The following SVIL variants were observed in gnomAD, a reference collection of about 807,000 sequenced individuals.
SVIL encodes the protein archvillin.
A neutral mutation model predicts 240.4 loss-of-function variants in SVIL; 101 were observed. The observed-to-expected ratio is 0.42, with a 90% CI of 0.36 to 0.50. The LOEUF is 0.50. Among genes scored for constraint, SVIL ranks in the 20% least tolerant of loss-of-function variants. SVIL has a pLI of 0.01. For synonymous variants in SVIL, 999 were observed against 1,100.0 expected (o/e 0.91, Z 1.82); for missense variants, 2,512 against 2,818.7 (o/e 0.89, Z 2.46).
chr10:29,470,680 A>G (rs2132308639), intron 31 of SVIL, among the ~76,000 whole-genome samples, 197 bp from the exon 32 acceptor site: 1 of 152,316 alleles, frequency 6.6e-6, no homozygotes, highest in South Asian at 2.1e-4. Context: ...TGCCAGCCTA[A>G]AAAGTGGGTT....
intron 1 of SVIL, among the ~76,000 whole-genome samples, chr10:29,614,096 T>C (rs1373784007): frequency 6.6e-6 from 1 of 152,182 alleles, no homozygotes; most frequent in Non-Finnish European, 1.5e-5. Context: ...TATCACTAAC[T>C]ATACCACAAC....
chr10:29,579,058 T>C (rs372814984), intron 1 of SVIL, among the ~76,000 whole-genome samples: 3 of 152,356 alleles, frequency 2.0e-5, no homozygotes, highest in South Asian at 2.1e-4. Context: ...TTCGTTACTA[T>C]GTGTATTCCT....
intron 2 of SVIL, among the ~76,000 whole-genome samples, chr10:29,663,872 G>T (rs1360593594): frequency 6.6e-6 from 1 of 152,218 alleles, no homozygotes; most frequent in Non-Finnish European, 1.5e-5. Flanking sequence ...ATCGGCAACT[G>T]CAAGAAGATG....
chr10:29,505,328 AAAT>A (rs1221306801), intron 17 of SVIL, among the ~76,000 whole-genome samples: 6 of 151,790 alleles, frequency 4.0e-5, no homozygotes, highest in African/African-American at 1.5e-4. Context: ...TCCATCTCAA[AAAT>A]AATAATAATA....
chr10:29,686,039 C>A (rs1020228665), intron 2 of SVIL, among the ~76,000 whole-genome samples: 2 of 152,136 alleles, frequency 1.3e-5, no homozygotes, highest in Admixed American at 6.5e-5. Flanking sequence ...GCCCTAGGAC[C>A]AATTTGCCTA....
intron 24 of SVIL, among the ~76,000 whole-genome samples, chr10:29,486,909 C>G (rs1276521378): frequency 6.6e-6 from 1 of 152,148 alleles, no homozygotes; most frequent in African/African-American, 2.4e-5. Flanking sequence ...GGGCCGCTTC[C>G]TTTTTTACAC....
chr10:29,545,685 T>C (rs1436835309), intron 6 of SVIL, among the ~76,000 whole-genome samples: 1 of 151,610 alleles, frequency 6.6e-6, no homozygotes, highest in Non-Finnish European at 1.5e-5. Context: ...TGAAACTCCG[T>C]CTCTACTAAA....
intron 1 of SVIL, among the ~76,000 whole-genome samples, chr10:29,591,901 C>T (rs1956404904): frequency 6.6e-6 from 1 of 152,198 alleles, no homozygotes; most frequent in South Asian, 2.1e-4. Flanking sequence ...AGGCATTTAC[C>T]ACTGCTAGTA....
intron 27 of SVIL, among the ~76,000 whole-genome samples, chr10:29,482,397 G>A (rs896539011): frequency 2.0e-4 from 30 of 152,202 alleles, no homozygotes; most frequent in African/African-American, 6.5e-4. Context: ...GGCAGGAGCC[G>A]CAGGAAAACC....
At chr10:29,492,945 G>A (rs1564511474) in intron 21 of SVIL, among the ~76,000 whole-genome samples, 1 of 152,070 alleles carries the variant, frequency 6.6e-6, no homozygotes, top group Admixed American at 6.6e-5. Context: ...ATCCAGTGAC[G>A]CCCTCTTTAT....
At position 29,536,015 on chromosome 10, in the gene SVIL, T is replaced by C; in HGVS notation, c.882A>G (p.Thr294=). Residue 294 remains threonine, a synonymous_variant, in exon 7 of 38, where the codon ACA becomes ACG. Coordinates refer to ENST00000355867, the MANE Select transcript of SVIL (RefSeq NM_021738.3). ...WFLQKDSEGD[T]PSLINWPSRV... is the part of the protein sequence containing the mutation. ...TGGAAGGCCAGTTGATAAGTGAAGG[T>C]GTGTCCCCTTCGGAATCTTTCTGGA... The C allele has an allele frequency of 6.2e-7, 1 of 1,614,214 alleles. No homozygotes were observed. The highest frequency in any genetic ancestry group is 8.5e-7 in the Non-Finnish European group (1 of 1,180,036).
intron 3 of SVIL, among the ~76,000 whole-genome samples, chr10:29,643,815 TCTCTC>T (rs1343456531): frequency 3.3e-5 from 5 of 152,260 alleles, no homozygotes; most frequent in Admixed American, 3.3e-4. Context: ...AGCCAACTTT[TCTCTC>T]CCGGGCTGTA....
intron 17 of SVIL, among the ~76,000 whole-genome samples, chr10:29,509,330 G>GGGGAGA (rs1949620403): frequency 4.5e-5 from 3 of 66,912 alleles, no homozygotes; most frequent in South Asian, 5.7e-4. Flanking sequence ...GGAGGGGGAG[G>GGGGAGA]GAGAGAGAGA....
chr10:29,627,783 C>T (rs534071282), intron 1 of SVIL, among the ~76,000 whole-genome samples: 1 of 152,308 alleles, frequency 6.6e-6, no homozygotes, highest in African/African-American at 2.4e-5. Flanking sequence ...AGCTGAGTCA[C>T]CCTATTCTGA....
At chr10:29,704,559 T>C (rs1009349645) in intron 1 of SVIL, among the ~76,000 whole-genome samples, 2 of 152,178 alleles carry the variant, frequency 1.3e-5, no homozygotes, top group African/African-American at 2.4e-5. Flanking sequence ...CTCCAAAGCA[T>C]CTAACATGGG....
chr10:29,727,750 A>T, intron 1 of SVIL, among the ~76,000 whole-genome samples: 1 of 152,086 alleles, frequency 6.6e-6, no homozygotes, highest in East Asian at 1.9e-4. Context: ...CAAAAAAAAA[A>T]AAAAAAGAAA....
chr10:29,485,291 G>A (rs1947290185), intron 26 of SVIL, among the ~76,000 whole-genome samples: 1 of 151,854 alleles, frequency 6.6e-6, no homozygotes, highest in Non-Finnish European at 1.5e-5. Context: ...TAAGGGCAGG[G>A]ATCAGATCAT....
At chr10:29,497,367 C>G (rs1426956456) in intron 18 of SVIL, among the ~76,000 whole-genome samples, 4 of 152,110 alleles carry the variant, frequency 2.6e-5, no homozygotes, top group Non-Finnish European at 5.9e-5. Flanking sequence ...TAAATAATAG[C>G]TTAGAAAGTG....
chr10:29,546,622 T>C (rs547493450), intron 6 of SVIL, among the ~76,000 whole-genome samples: 2 of 152,324 alleles, frequency 1.3e-5, no homozygotes, highest in African/African-American at 4.8e-5. Context: ...TTATTCTGTA[T>C]ATATACACAG....
Sources: allele counts gnomAD v4.1 joint callset (sites outside exome capture counted in the v4.1 genomes callset), GRCh38; gene constraint gnomAD v4.1.1; transcripts MANE v1.5; gene names NCBI Gene and HGNC (gene_info 2026-07-23, HGNC 2026-07-21).